The following PCDHA11 variants were observed in gnomAD, a reference collection of about 807,000 sequenced individuals.
PCDHA11 encodes the protein protocadherin alpha 11.
PCDHA11 carries 61 observed loss-of-function variants against 70.3 expected under a neutral mutation model. The observed-to-expected ratio is 0.87, with a 90% confidence interval of 0.71 to 1.07. The LOEUF (loss-of-function observed/expected upper bound fraction) is 1.07. Among genes scored for constraint, PCDHA11 ranks in the 50% least tolerant of loss-of-function variants. The pLI is 0.00. For missense variants in PCDHA11, 1,324 were observed against 1,237.5 expected (o/e 1.07, Z -1.05); for synonymous variants, 633 against 555.1 (o/e 1.14, Z -1.97).
At chr5:140,962,564 G>A (rs1224952009) in intron 1 of PCDHA11, among the ~76,000 whole-genome samples, 2 of 152,124 alleles carry the variant, frequency 1.3e-5, no homozygotes, top group Non-Finnish European at 2.9e-5. Context: ...CCCCCTAAAA[G>A]CCAATTGTTA....
intron 3 of PCDHA11, among the ~76,000 whole-genome samples, chr5:141,005,570 C>T (rs2098221993): frequency 6.6e-6 from 1 of 151,052 alleles, no homozygotes; most frequent in African/African-American, 2.4e-5. Context: ...GGCATGGTGG[C>T]GCGTGCCTGT....
intron 1 of PCDHA11, chr5:140,929,422 T>C: frequency 1.3e-6 from 2 of 1,500,730 alleles, no homozygotes; most frequent in Non-Finnish European, 1.8e-6. Context: ...CAACATTTCA[T>C]CAATTGAACT....
At chr5:140,989,865 C>T (rs1209207256) in intron 3 of PCDHA11, among the ~76,000 whole-genome samples, 1 of 152,034 alleles carries the variant, frequency 6.6e-6, no homozygotes, top group Non-Finnish European at 1.5e-5. Flanking sequence ...AGGAATCTTT[C>T]TCTGCCTCAG....
chr5:140,906,296 A>G (rs1378311950), intron 1 of PCDHA11, among the ~76,000 whole-genome samples: 9 of 152,226 alleles, frequency 5.9e-5, no homozygotes, highest in Non-Finnish European at 1.5e-5. Flanking sequence ...GACAATAATA[A>G]GGTCATAATT....
At chr5:140,872,058 C>T (rs2053466493) in intron 1 of PCDHA11, among the ~76,000 whole-genome samples, 1 of 152,212 alleles carries the variant, frequency 6.6e-6, no homozygotes, top group African/African-American at 2.4e-5. Flanking sequence ...CTTCAGCCTC[C>T]AGAGTAGCTG....
Position 140,870,101 on chromosome 5 carries a change from G to C in PCDHA11, c.998G>C (p.Cys333Ser), listed in dbSNP as rs1345689033. 5 of 1,613,914 alleles carry C rather than the reference G, an allele frequency of 3.1e-6. No individual in the cohort carries two copies. Among genetic ancestry groups the C allele is most frequent in the Non-Finnish European group, 4.2e-6 (5 of 1,179,892 alleles). Reference sequence around the variant, plus strand: ...GGGACTCCCCCAATGGCAGGTCACTGTACAGTCTGGGTGGAAATCTTGGAC... The same window carrying C: ...GGGACTCCCCCAATGGCAGGTCACTCTACAGTCTGGGTGGAAATCTTGGAC... ...DKGTPPMAGHCTVWVEILDTN... is the reference protein window; with the variant it reads ...DKGTPPMAGHSTVWVEILDTN... The change falls in exon 1 of 4, where the codon TGT becomes TCT. Residue 333 changes from cysteine (C) to serine (S), a missense_variant. By Grantham distance (112) the Cys-to-Ser change is moderately radical. Coordinates refer to ENST00000398640, the MANE Select transcript of PCDHA11 (RefSeq NM_018902.5).
At chr5:140,893,219 G>C (rs1273209081) in intron 1 of PCDHA11, among the ~76,000 whole-genome samples, 1 of 152,194 alleles carries the variant, frequency 6.6e-6, no homozygotes, top group Non-Finnish European at 1.5e-5. Flanking sequence ...GGAGGTGCAG[G>C]TATCACTTTG....
intron 1 of PCDHA11, among the ~76,000 whole-genome samples, chr5:140,948,267 A>G (rs964252489): frequency 1.3e-5 from 2 of 151,646 alleles, no homozygotes. Flanking sequence ...GTGTTCATGT[A>G]GAATATCTGT....
chr5:141,009,539 C>T, intron 3 of PCDHA11, 88 bp from the exon 4 acceptor site: 1 of 1,522,752 alleles, frequency 6.6e-7, no homozygotes, highest in Non-Finnish European at 8.8e-7. Flanking sequence ...TTCAGCCTGC[C>T]TATGCAGTAC....
intron 3 of PCDHA11, among the ~76,000 whole-genome samples, chr5:141,003,222 G>A (rs1221950770): frequency 2.6e-5 from 4 of 152,224 alleles, no homozygotes; most frequent in Non-Finnish European, 4.4e-5. Flanking sequence ...CATGAAAGAG[G>A]AAAGCTGGAA....
intron 1 of PCDHA11, chr5:140,876,592 G>A (rs1469576623): frequency 1.2e-6 from 2 of 1,614,164 alleles, no homozygotes; most frequent in Middle Eastern, 1.6e-4. Flanking sequence ...CCTGATTAGC[G>A]TGTCGGATCG....
chr5:140,968,285 T>A, intron 1 of PCDHA11: 1 of 1,614,006 alleles, frequency 6.2e-7, no homozygotes, highest in Non-Finnish European at 8.5e-7. Flanking sequence ...GGTGACCTAC[T>A]CCCTTCTGGA....
intron 1 of PCDHA11, among the ~76,000 whole-genome samples, chr5:140,886,497 T>A (rs2061000599): frequency 6.6e-6 from 1 of 152,160 alleles, no homozygotes; most frequent in Non-Finnish European, 1.5e-5. Context: ...TATATCTTTT[T>A]CCTTTTATGG....
chr5:140,915,517 G>T (rs982535213), intron 1 of PCDHA11, among the ~76,000 whole-genome samples: 17 of 152,066 alleles, frequency 1.1e-4, no homozygotes, highest in African/African-American at 4.1e-4. Flanking sequence ...TTGCAGACTA[G>T]TAGAGGTACC....
intron 3 of PCDHA11, among the ~76,000 whole-genome samples, chr5:141,006,959 A>G (rs2098296620): frequency 6.6e-6 from 1 of 152,142 alleles, no homozygotes; most frequent in East Asian, 1.9e-4. Context: ...GTTATACATG[A>G]GATTGGAGCA....
intron 1 of PCDHA11, chr5:140,968,861 C>T (rs139036960): frequency 5.6e-5 from 90 of 1,614,182 alleles, no homozygotes; most frequent in Admixed American, 2.8e-4. Flanking sequence ...TAAGAGCCCT[C>T]GGACATACTC....
At chr5:140,911,384 C>T (rs2075446155) in intron 1 of PCDHA11, among the ~76,000 whole-genome samples, 1 of 152,134 alleles carries the variant, frequency 6.6e-6, no homozygotes, top group Non-Finnish European at 1.5e-5. Flanking sequence ...TGTGCATGCA[C>T]CTTTCATTGC....
At chr5:140,922,023 T>C (rs1333266712) in intron 1 of PCDHA11, among the ~76,000 whole-genome samples, 3 of 152,086 alleles carry the variant, frequency 2.0e-5, no homozygotes, top group African/African-American at 7.2e-5. Context: ...AAAATAAATA[T>C]AAAAAATGTA....
intron 1 of PCDHA11, among the ~76,000 whole-genome samples, chr5:140,951,377 G>T (rs2094577141): frequency 6.6e-6 from 1 of 152,070 alleles, no homozygotes; most frequent in Non-Finnish European, 1.5e-5. Context: ...AAACACCCAA[G>T]ACTCGGTAAT....
Sources: gnomAD v4.1 joint callset for allele counts (sites outside exome capture counted in the v4.1 genomes callset) on GRCh38, gnomAD v4.1.1 for gene constraint, MANE v1.5 for transcripts, NCBI Gene and HGNC (gene_info 2026-07-23, HGNC 2026-07-21) for gene names.